DLG2: variants seen among roughly 807,000 people sequenced by gnomAD.
DLG2 encodes discs large MAGUK scaffold protein 2.
In DLG2, 45 loss-of-function variants were observed where a neutral mutation model predicts 132.5. That is an observed-to-expected ratio of 0.34 (90% CI 0.27 to 0.44). The LOEUF (loss-of-function observed/expected upper bound fraction) is 0.44. DLG2 is among the 20% of genes least tolerant of loss of function. The pLI is 1.00. For synonymous variants in DLG2, 424 were observed against 419.6 expected, an observed-to-expected ratio of 1.01 and a Z score of -0.13; for missense variants, 1,045 against 1,196.9, an observed-to-expected ratio of 0.87 and a Z score of 1.87.
intron 7 of DLG2, among the ~76,000 whole-genome samples, chr11:84,442,595 G>A (rs2154478170): frequency 6.6e-6 from 1 of 151,870 alleles, no homozygotes; most frequent in Non-Finnish European, 1.5e-5. Flanking sequence ...CAAGTTGATG[G>A]GTGCAGCAAA....
chr11:84,360,347 TGA>T (rs572170124), intron 7 of DLG2, among the ~76,000 whole-genome samples: 1 of 151,926 alleles, frequency 6.6e-6, no homozygotes, highest in Non-Finnish European at 1.5e-5. Flanking sequence ...AAATCAGATT[TGA>T]GGGCCAAATT....
intron 16 of DLG2, among the ~76,000 whole-genome samples, chr11:83,838,643 A>G (rs2056833708): frequency 6.6e-6 from 1 of 152,214 alleles, no homozygotes; most frequent in Non-Finnish European, 1.5e-5. Context: ...GTGGCTTCAC[A>G]TGAAAAAAGT....
chr11:85,532,829 T>C (rs925486928), intron 3 of DLG2, among the ~76,000 whole-genome samples: 3 of 152,182 alleles, frequency 2.0e-5, no homozygotes. Flanking sequence ...TGCAAGTAAA[T>C]TGTCCTGAAA....
At chr11:85,445,889 C>T (rs2091987326) in intron 3 of DLG2, among the ~76,000 whole-genome samples, 1 of 152,140 alleles carries the variant, frequency 6.6e-6, no homozygotes. Context: ...GGCTTTCCAT[C>T]CATTACTCAC....
At chr11:85,285,121 G>C in intron 4 of DLG2, 99 bp downstream of exon 4, 1 of 1,029,312 alleles carries the variant, frequency 9.7e-7, no homozygotes, top group Non-Finnish European at 1.4e-6. Flanking sequence ...TATTATTGTT[G>C]TTGCCATTTG....
intron 11 of DLG2, among the ~76,000 whole-genome samples, chr11:84,041,167 C>T (rs2096068663): frequency 1.3e-5 from 2 of 151,956 alleles, no homozygotes; most frequent in South Asian, 4.1e-4. Flanking sequence ...TTACAGTATA[C>T]TATATGGATG....
At chr11:83,512,667 T>C (rs550552267) in intron 21 of DLG2, among the ~76,000 whole-genome samples, 1 of 152,140 alleles carries the variant, frequency 6.6e-6, no homozygotes, top group African/African-American at 2.4e-5. Context: ...TATCTCCTAA[T>C]GCTATCCCTC....
At chr11:84,840,009 G>A (rs1365941925) in intron 6 of DLG2, among the ~76,000 whole-genome samples, 1 of 152,088 alleles carries the variant, frequency 6.6e-6, no homozygotes, top group African/African-American at 2.4e-5. Flanking sequence ...TTAAACTAGA[G>A]AGCTTCTGTA....
At chr11:84,298,284 C>G (rs1473491710) in intron 7 of DLG2, among the ~76,000 whole-genome samples, 1 of 152,124 alleles carries the variant, frequency 6.6e-6, no homozygotes, top group Non-Finnish European at 1.5e-5. Flanking sequence ...TCATGCAAAT[C>G]AATGACTTTT....
chr11:84,004,092 G>A (rs1678667594), intron 11 of DLG2, among the ~76,000 whole-genome samples: 1 of 151,976 alleles, frequency 6.6e-6, no homozygotes, highest in African/African-American at 2.4e-5. Flanking sequence ...CTCACTCTAT[G>A]ACCAGTATTC....
At chr11:84,690,968 G>T (rs1290906716) in intron 6 of DLG2, among the ~76,000 whole-genome samples, 1 of 151,782 alleles carries the variant, frequency 6.6e-6, no homozygotes, top group African/African-American at 2.4e-5. Flanking sequence ...TTGACATAAA[G>T]AAATGGCTCT....
chr11:84,168,810 A>AACACACACAC (rs763826829), intron 8 of DLG2, among the ~76,000 whole-genome samples: 24 of 115,898 alleles, frequency 2.1e-4, no homozygotes, highest in Non-Finnish European at 3.9e-4. Context: ...ACAGCAAATC[A>AACACACACAC]ACACACACAC....
chr11:85,469,899 A>G (rs7118963), intron 3 of DLG2, among the ~76,000 whole-genome samples: 3,537 of 152,306 alleles, frequency 0.023, 65 homozygotes, highest in Middle Eastern at 0.054. Context: ...CAAAACTCAT[A>G]TAATGCCCTT....
intron 3 of DLG2, among the ~76,000 whole-genome samples, chr11:85,295,933 T>C (rs545083989): frequency 3.3e-5 from 5 of 152,248 alleles, no homozygotes; most frequent in South Asian, 4.1e-4. Flanking sequence ...AGAATGCTTA[T>C]GCACAGAAGT....
chr11:85,252,401 A>G (rs1318616502), intron 4 of DLG2, among the ~76,000 whole-genome samples: 1 of 152,160 alleles, frequency 6.6e-6, no homozygotes, highest in East Asian at 1.9e-4. Context: ...ATCCTGGCTA[A>G]CACAGTGAAA....
rs1184401368 is a variant in DLG2 at position 83,786,748 on chromosome 11, A to T, written c.1767T>A (p.Ala589=). The change falls in exon 18 of 28, where the codon GCT becomes GCA. Residue 589 remains alanine, a synonymous_variant. Coordinates refer to ENST00000376104, the MANE Select transcript of DLG2 (RefSeq NM_001142699.3). ...TCTGTCCAGCCCCCTTTAGTGCAGCAGCTGCCTGCTCGTGGGATGCACCAC... is the reference window on the plus strand; with the variant it reads ...TCTGTCCAGCCCCCTTTAGTGCAGCTGCTGCCTGCTCGTGGGATGCACCAC... ...DLRGASHEQA[A]AALKGAGQTV... is the part of the protein sequence containing the mutation. 4.3e-6 allele frequency: 7 copies of T among 1,614,096 alleles called. No homozygotes were observed. The African/African-American group carries it at 9.3e-5, about 22-fold the overall frequency.
chr11:85,426,905 G>A (rs1382808281), intron 3 of DLG2, among the ~76,000 whole-genome samples: 1 of 152,168 alleles, frequency 6.6e-6, no homozygotes, highest in Non-Finnish European at 1.5e-5. Flanking sequence ...TGGCTAACTA[G>A]AATAACCAAT....
intron 6 of DLG2, among the ~76,000 whole-genome samples, chr11:84,805,261 G>A (rs950945711): frequency 4.6e-5 from 7 of 152,000 alleles, no homozygotes; most frequent in Admixed American, 3.3e-4. Context: ...ATGGGAAACT[G>A]GGAATTTTAT....
intron 3 of DLG2, among the ~76,000 whole-genome samples, chr11:85,547,039 C>G (rs1287992230): frequency 6.6e-6 from 1 of 151,966 alleles, no homozygotes; most frequent in Non-Finnish European, 1.5e-5. Context: ...AATTTAATCC[C>G]TCCATTATGA....
Sources: gnomAD v4.1 joint callset for allele counts (sites outside exome capture counted in the v4.1 genomes callset) on GRCh38, gnomAD v4.1.1 for gene constraint, MANE v1.5 for transcripts, NCBI Gene and HGNC (gene_info 2026-07-23, HGNC 2026-07-21) for gene names.